Variants in ARHGAP12 observed in about 807,000 individuals in gnomAD.
ARHGAP12 encodes the protein Rho GTPase activating protein 12, also known as rho GTPase-activating protein 12.
Under a neutral mutation model 108.6 loss-of-function variants are expected in ARHGAP12, and 64 were observed. The ratio of observed to expected loss-of-function variants is 0.59; its 90% CI spans 0.48 to 0.73. The LOEUF (loss-of-function observed/expected upper bound fraction) is 0.73, where lower values mean the gene tolerates loss of function less well. Ranked by LOEUF, ARHGAP12 falls within the 30% of genes least tolerant of loss-of-function variation. The pLI, the probability that ARHGAP12 is intolerant of heterozygous loss-of-function variation, is 0.00. For missense variants in ARHGAP12, 940 were observed against 1,005.9 expected (o/e 0.93, Z 0.89); for synonymous variants, 312 against 337.2 (o/e 0.93, Z 0.82).
intron 11 of ARHGAP12, among the ~76,000 whole-genome samples, chr10:31,822,448 C>A (rs1183880200): frequency 6.6e-6 from 1 of 152,102 alleles, no homozygotes; most frequent in African/African-American, 2.4e-5. Context: ...CATAATGGAA[C>A]CAGACAAGAC....
Position 31,855,126 on chromosome 10 carries a change from G to T in ARHGAP12, c.949-920C>A, listed in dbSNP as rs1438716268. Among the ~76,000 whole-genome samples the T allele has an allele frequency of 4.0e-5, 4 of 98,920 alleles. No homozygotes were observed. In the East Asian group the frequency reaches 1.5e-3, roughly 38 times the overall value. 64.9% of individuals were successfully genotyped at this position (98,920 alleles called of 152,430 possible). A position where few individuals can be genotyped will look rare whatever the true frequency, so the allele number is the denominator to read the frequency against. Reference sequence around the variant, plus strand: ...GGGAGGGGAGGGAGAGGAAGGGAGGGGGAGAAGGGGAGGGGAAAGGGAGGG... The same window carrying T: ...GGGAGGGGAGGGAGAGGAAGGGAGGTGGAGAAGGGGAGGGGAAAGGGAGGG... On this transcript the variant is annotated intron_variant, in intron 4 of 19. Coordinates refer to ENST00000344936, the MANE Select transcript of ARHGAP12 (RefSeq NM_018287.7).
chr10:31,808,931 TG>T, intron 18 of ARHGAP12, 62 bp downstream of exon 18: 1 of 1,465,370 alleles, frequency 6.8e-7, no homozygotes, highest in Non-Finnish European at 9.2e-7. Context: ...AAAAATTGGG[TG>T]GCTTAATCTG....
At chr10:31,877,482 C>CT (rs1837775387) in intron 3 of ARHGAP12, among the ~76,000 whole-genome samples, 1 of 152,164 alleles carries the variant, frequency 6.6e-6, no homozygotes, top group Non-Finnish European at 1.5e-5. Context: ...GATCACACTC[C>CT]TTCTCACTTG....
At chr10:31,838,930 G>T (rs978697007) in intron 9 of ARHGAP12, among the ~76,000 whole-genome samples, 3 of 152,020 alleles carry the variant, frequency 2.0e-5, no homozygotes, top group Middle Eastern at 3.4e-3. Context: ...TAAGCCTGGT[G>T]GGGGAGGGGC....
At chr10:31,918,972 G>T (rs1179711149) in intron 1 of ARHGAP12, among the ~76,000 whole-genome samples, 1 of 152,160 alleles carries the variant, frequency 6.6e-6, no homozygotes, top group African/African-American at 2.4e-5. Flanking sequence ...TAGTCAAAAA[G>T]TGGAAGCAAA....
At chr10:31,888,846 A>G (rs1179845461) in intron 3 of ARHGAP12, among the ~76,000 whole-genome samples, 1 of 151,154 alleles carries the variant, frequency 6.6e-6, no homozygotes, top group Non-Finnish European at 1.5e-5. Flanking sequence ...TTTAGAAAAG[A>G]AAAGGGTCAA....
intron 3 of ARHGAP12, among the ~76,000 whole-genome samples, chr10:31,901,389 C>T (rs1838917462): frequency 6.6e-6 from 1 of 151,142 alleles, no homozygotes; most frequent in African/African-American, 2.4e-5. Context: ...AAAAAATTAG[C>T]TGGGAATGGT....
chr10:31,820,324 A>G, intron 12 of ARHGAP12, 63 bp downstream of exon 12: 1 of 1,374,488 alleles, frequency 7.3e-7, no homozygotes, highest in Admixed American at 2.2e-5. Context: ...AAAATAGCTC[A>G]AAAAACAGAA....
intron 3 of ARHGAP12, among the ~76,000 whole-genome samples, chr10:31,869,657 A>C (rs1837467911): frequency 1.3e-5 from 2 of 152,240 alleles, no homozygotes; most frequent in Admixed American, 1.3e-4. Context: ...GTACCTCTGC[A>C]CATGACCTAA....
rs1834828968 is a variant in ARHGAP12 at position 31,806,555 on chromosome 10, T to C, written c.*1103A>G. ...TATTCATACTGGAATTAGAATTCTG[T>C]AATAAATTTTTTCTAATGTTTTCTG... On this transcript the variant is annotated 3_prime_UTR_variant, in exon 20 of 20. Coordinates refer to ENST00000344936, the MANE Select transcript of ARHGAP12 (RefSeq NM_018287.7). 1 of 152,728 alleles carries C rather than the reference T, an allele frequency of 6.5e-6. No individual in the cohort carries two copies. Among genetic ancestry groups the C allele is most frequent in the South Asian group, 2.1e-4 (1 of 4,832 alleles). 9.5% of individuals were successfully genotyped at this position (152,728 alleles called of 1,614,324 possible).
chr10:31,821,723 T>C (rs533154659), intron 11 of ARHGAP12, among the ~76,000 whole-genome samples: 1 of 152,304 alleles, frequency 6.6e-6, no homozygotes, highest in South Asian at 2.1e-4. Context: ...ATAAAATTTA[T>C]TAGTGGAGTC....
chr10:31,807,679 C>G lies in ARHGAP12; in HGVS notation c.2520G>C (p.Leu840=), dbSNP rs772320069. 4 of 1,601,988 alleles carry G rather than the reference C, an allele frequency of 2.5e-6. No homozygotes were observed. The East Asian group carries it at 9.0e-5, about 36-fold the overall frequency. The change falls in exon 20 of 20, where the codon CTG becomes CTC. Residue 840 remains leucine, a synonymous_variant. Coordinates refer to ENST00000344936, the MANE Select transcript of ARHGAP12 (RefSeq NM_018287.7). Reference sequence around the variant, plus strand: ...AGAATCAACGTCCGAAGATGGAACTCAGTTCCAGAAGAATTAATTCTACAA... The same window carrying G: ...AGAATCAACGTCCGAAGATGGAACTGAGTTCCAGAAGAATTAATTCTACAA... ...NQIVELILLE[L]SSIFGR
intron 1 of ARHGAP12, among the ~76,000 whole-genome samples, chr10:31,914,124 T>A (rs1414670614): frequency 6.6e-6 from 1 of 152,266 alleles, no homozygotes; most frequent in African/African-American, 2.4e-5. Context: ...TGCAGTTGTT[T>A]GTTAAAATTC....
chr10:31,913,082 G>A (rs1232057015), intron 1 of ARHGAP12: 1 of 152,300 alleles, frequency 6.6e-6, no homozygotes, highest in African/African-American at 2.4e-5. Context: ...GCCAGGGCAA[G>A]TGTGAGCCAG....
chr10:31,891,739 T>C (rs1007235469), intron 3 of ARHGAP12, among the ~76,000 whole-genome samples: 2 of 152,252 alleles, frequency 1.3e-5, no homozygotes, highest in Non-Finnish European at 2.9e-5. Flanking sequence ...AGATTTGGTC[T>C]TTTCACATAG....
At chr10:31,898,710 G>C (rs150588733) in intron 3 of ARHGAP12, among the ~76,000 whole-genome samples, 1 of 152,266 alleles carries the variant, frequency 6.6e-6, no homozygotes, top group East Asian at 1.9e-4. Context: ...ACTGCCTACA[G>C]TATTCAGGAC....
intron 1 of ARHGAP12, among the ~76,000 whole-genome samples, chr10:31,928,311 G>A (rs1840148221): frequency 6.8e-6 from 1 of 146,736 alleles, no homozygotes; most frequent in South Asian, 2.3e-4. Flanking sequence ...ACACACACCC[G>A]CGCACCCTCA....
At chr10:31,811,843 TAG>T (rs1297504551) in intron 15 of ARHGAP12, among the ~76,000 whole-genome samples, 1 of 151,978 alleles carries the variant, frequency 6.6e-6, no homozygotes, top group Non-Finnish European at 1.5e-5. Flanking sequence ...TAATTCTTTG[TAG>T]AGAGAGGGTC....
intron 6 of ARHGAP12, among the ~76,000 whole-genome samples, chr10:31,849,889 A>T (rs1836609092): frequency 6.6e-6 from 1 of 152,180 alleles, no homozygotes; most frequent in Non-Finnish European, 1.5e-5. Context: ...CTGAAAGTAA[A>T]TAGGTTTCCT....
Sources: gnomAD v4.1 joint callset for allele counts (sites outside exome capture counted in the v4.1 genomes callset) on GRCh38, gnomAD v4.1.1 for gene constraint, MANE v1.5 for transcripts, NCBI Gene and HGNC (gene_info 2026-07-23, HGNC 2026-07-21) for gene names.